The following SLC19A1 variants were observed in gnomAD, a reference collection of about 807,000 sequenced individuals.
SLC19A1 encodes reduced folate transporter.
In SLC19A1, 37 loss-of-function variants were observed where a neutral mutation model predicts 35.3. The ratio of observed to expected loss-of-function variants is 1.05; its 90% CI spans 0.81 to 1.38. The LOEUF is 1.38. Among genes scored for constraint, SLC19A1 ranks in the 40% most tolerant of loss-of-function variants. SLC19A1 has a pLI of 0.00. For missense variants in SLC19A1, 831 were observed against 826.9 expected (o/e 1.00, Z -0.06); for synonymous variants, 460 against 398.5 (o/e 1.15, Z -1.84).
intron 2 of SLC19A1, among the ~76,000 whole-genome samples, chr21:45,535,060 G>A (rs922349698): frequency 1.3e-5 from 2 of 152,256 alleles, no homozygotes; most frequent in African/African-American, 4.8e-5. Flanking sequence ...GCAGGGCCAG[G>A]CGTGGGGCAG....
At chr21:45,509,447 G>C (rs112359725), downstream of SLC19A1, 38 of 1,532,950 alleles carry the variant, frequency 2.5e-5, no homozygotes, top group Non-Finnish European at 3.2e-5. Context: ...CCCACCGCGC[G>C]GCCCTGGCGG....
upstream of SLC19A1, among the ~76,000 whole-genome samples, chr21:45,545,006 A>C (rs895686265): frequency 6.6e-6 from 1 of 152,226 alleles, no homozygotes; most frequent in African/African-American, 2.4e-5. Flanking sequence ...GCATTCGAGC[A>C]GCCCTTTCCC....
chr21:45,544,821 C>T (rs1350983728), upstream of SLC19A1, among the ~76,000 whole-genome samples: 11 of 152,150 alleles, frequency 7.2e-5, no homozygotes, highest in Non-Finnish European at 1.5e-5. Flanking sequence ...CTCCTGGGCC[C>T]CCACTCCCCG....
chr21:45,546,678 C>T (rs77632903), upstream of SLC19A1, among the ~76,000 whole-genome samples: 27,200 of 152,076 alleles, frequency 0.18, 2,943 homozygotes, highest in South Asian at 0.27. Flanking sequence ...AAAGAGTGTT[C>T]GAAAAACATT....
intron 1 of SLC19A1, among the ~76,000 whole-genome samples, chr21:45,542,001 C>T (rs1046750828): frequency 6.6e-6 from 1 of 152,072 alleles, no homozygotes; most frequent in African/African-American, 2.4e-5. Context: ...GCCACCGCGA[C>T]CCCCGCGGAG....
chr21:45,530,959 G>A lies in SLC19A1; in HGVS notation c.962C>T (p.Ser321Phe). 6.9e-7 allele frequency: 1 copy of A among 1,449,420 alleles called. No individual in the cohort carries two copies. The allele number at this position is 1,449,420 out of a possible 1,614,324, so 89.8% of individuals were successfully genotyped here. Reference sequence around the variant, plus strand: ...GATCTTCACGAAGCCCGCGGCGAAGGACGTGATGGCGCCTGAGAGGGGAGG... The same window carrying A: ...GATCTTCACGAAGCCCGCGGCGAAGAACGTGATGGCGCCTGAGAGGGGAGG... The part of the protein sequence containing the change: ...AASTLLGAIT[S>F]FAAGFVKIRW... The change falls in exon 4 of 6, where the codon TCC becomes TTC. Residue 321 changes from serine to phenylalanine, a missense_variant. Physicochemically the swap from Ser to Phe is radical, Grantham distance 155 (BLOSUM62 -2). Transcript: ENST00000311124. This position sits in a 1 kb window ranked among gnomAD's most constrained non-coding sequence, Gnocchi z 5.3.
intron 2 of SLC19A1, among the ~76,000 whole-genome samples, chr21:45,535,419 A>G (rs192836914): frequency 2.6e-5 from 4 of 152,210 alleles, no homozygotes; most frequent in Non-Finnish European, 5.9e-5. Context: ...AGGAGGCAGA[A>G]AAGGGAACCA....
chr21:45,555,169 C>T lies in SLC19A1; in HGVS notation c.-50+7573G>A, dbSNP rs1399127034. Among the ~76,000 whole-genome samples the T allele has an allele frequency of 6.6e-4, 48 of 72,870 alleles. 2 individuals carry two copies. The highest frequency in any genetic ancestry group is 3.1e-3 in the East Asian group (6 of 1,964). 47.8% of individuals were successfully genotyped at this position (72,870 alleles called of 152,430 possible). On this transcript the variant is annotated intron_variant, in intron 1 of 5. Transcript: ENST00000650808. ...GCGGTGCAGGGGGCGGCGGGGGCGG[C>T]GCAGGGGGCGGTGCAGGGGGCGGCG...
rs9978293 is a variant in SLC19A1, at chr21:45,520,494, T to C, written c.1294-4354A>G. Among the ~76,000 whole-genome samples the C allele has an allele frequency of 3.4e-3, 513 of 152,248 alleles. 3 individuals carry two copies. The highest frequency in any genetic ancestry group is 0.012 in the African/African-American group (494 of 41,542). ...CAACAAATAAGTAATCTCAGCAAAA[T>C]TGCAGTATACAAGATAAACACACAA... On this transcript the variant is annotated intron_variant, in intron 5 of 5. Transcript: ENST00000311124.
chr21:45,531,704 A>G lies in SLC19A1; in HGVS notation c.634T>C (p.Phe212Leu), dbSNP rs2077918448. ...CACCGCCCCCGGTCGTCGCGGTTGA[A>G]GAAGAGGCTGCGCTTGGGGCGCTTC... ...FLKRPKRSLFFNRDDRGRCET... is the reference protein window; with the variant it reads ...FLKRPKRSLFLNRDDRGRCET... Residue 212 changes from phenylalanine (F) to leucine (L), a missense_variant, in exon 3 of 6, where the codon TTC becomes CTC. By Grantham distance (22) the Phe-to-Leu change is conservative. Transcript: ENST00000311124. 1.2e-6 allele frequency: 2 copies of G among 1,612,514 alleles called. No homozygotes were observed. The highest frequency in any genetic ancestry group is 2.2e-5 in the South Asian group (2 of 91,060).
In SLC19A1 at chr21:45,518,401, G is replaced by GA. The variant is rs141798771; in HGVS notation, c.1294-2262dup. Among the ~76,000 whole-genome samples the GA allele has an allele frequency of 3.0e-3, 456 of 152,252 alleles. 1 individual carries two copies. The highest frequency in any genetic ancestry group is 0.011 in the African/African-American group (443 of 41,526). ...ATGATCTAACATTTGTGACATGGGG[G>GA]ATCTAGAAAAAGAGGAGAAAAGGAG... is the stretch of plus-strand genomic sequence containing the variant. On this transcript the variant is annotated intron_variant, in intron 5 of 5. Coordinates refer to ENST00000311124, the MANE Select transcript of SLC19A1 (RefSeq NM_194255.4).
chr21:45,538,749 G>A (rs914298664), intron 1 of SLC19A1, among the ~76,000 whole-genome samples: 5 of 152,280 alleles, frequency 3.3e-5, no homozygotes, highest in South Asian at 2.1e-4. Flanking sequence ...CATCCCCGGC[G>A]GCAGGTTACC....
intron 1 of SLC19A1, among the ~76,000 whole-genome samples, chr21:45,554,625 G>C (rs749505340): frequency 9.6e-5 from 14 of 145,490 alleles, no homozygotes; most frequent in Admixed American, 4.1e-4. Flanking sequence ...GTCCCTGCAC[G>C]GGGCAGCGGC....
downstream of SLC19A1, among the ~76,000 whole-genome samples, chr21:45,510,863 G>A (rs893188055): frequency 2.6e-5 from 4 of 152,038 alleles, no homozygotes; most frequent in African/African-American, 4.8e-5. Flanking sequence ...GAGGCTGCCT[G>A]GCCAGGCCTG....
intron 5 of SLC19A1, among the ~76,000 whole-genome samples, chr21:45,518,164 A>C (rs1259576668): frequency 6.6e-6 from 1 of 152,238 alleles, no homozygotes; most frequent in Non-Finnish European, 1.5e-5. Flanking sequence ...AGTCTCAGCA[A>C]AGAAATAGGA....
rs367632136 is a variant in SLC19A1, at chr21:45,525,919, G to A, written c.1191C>T (p.Ala397=). The change falls in exon 5 of 6, where the codon GCC becomes GCT. Residue 397 remains alanine, a synonymous_variant. Coordinates refer to ENST00000311124, the MANE Select transcript of SLC19A1 (RefSeq NM_194255.4). ...IASSLSKELC[A]LVFGVNTFFA... ...AGAACGTGTTGACCCCGAAGACCAG[G>A]GCACAGAGCTCTTTAGACAGAGAAG... 3.8e-5 allele frequency: 62 copies of A among 1,613,544 alleles called. No homozygotes were observed. The highest frequency in any genetic ancestry group is 5.2e-5 in the Non-Finnish European group (61 of 1,179,966).
In SLC19A1 at chr21:45,531,904, C is replaced by T. The variant is rs775144154; in HGVS notation, c.434G>A (p.Arg145Gln). The T allele has an allele frequency of 8.2e-6, 13 of 1,590,656 alleles. No homozygotes were observed. In the South Asian group the frequency reaches 1.1e-4, roughly 14 times the overall value. The change falls in exon 3 of 6, where the codon CGG (arginine) becomes CAG (glutamine). Residue 145 changes from arginine to glutamine, a missense_variant. Coordinates refer to ENST00000311124, the MANE Select transcript of SLC19A1 (RefSeq NM_194255.4). The stretch of plus-strand genomic sequence containing the variant: ...GGCCACACGCTGGTAGCGCGCGGGC[C>T]GCACGAGAGAGAAGATGTAGGAGGA... ...AYSSYIFSLVRPARYQRVAGY... is the reference protein window; with the variant it reads ...AYSSYIFSLVQPARYQRVAGY...
chr21:45,510,832 C>T (rs1360471202), downstream of SLC19A1, among the ~76,000 whole-genome samples: 3 of 152,154 alleles, frequency 2.0e-5, no homozygotes, highest in Non-Finnish European at 4.4e-5. Context: ...CTGCCTTAGC[C>T]AAGGCCTCTT....
chr21:45,560,351 A>T (rs1270729950), intron 1 of SLC19A1, among the ~76,000 whole-genome samples: 1 of 126,406 alleles, frequency 7.9e-6, no homozygotes, highest in South Asian at 2.6e-4. Flanking sequence ...GGTGCCCACT[A>T]TGGCCCCCAC....
Sources: allele counts gnomAD v4.1 joint callset (sites outside exome capture counted in the v4.1 genomes callset), GRCh38; gene constraint gnomAD v4.1.1; non-coding constraint Gnocchi (gnomAD v3.1); transcripts MANE v1.5; gene names NCBI Gene and HGNC (gene_info 2026-07-23, HGNC 2026-07-21).